TCAIM: variants seen among roughly 807,000 people sequenced by gnomAD.
TCAIM encodes T-cell activation inhibitor, mitochondrial.
In TCAIM, 36 loss-of-function variants were observed where a neutral mutation model predicts 58.6. The ratio of observed to expected loss-of-function variants is 0.61; its 90% CI spans 0.47 to 0.81. The LOEUF (loss-of-function observed/expected upper bound fraction) is 0.81, where lower values mean the gene tolerates loss of function less well. Ranked by LOEUF, TCAIM falls within the 30% of genes least tolerant of loss-of-function variation. The pLI is 0.00. For synonymous variants in TCAIM, 172 were observed against 193.6 expected (o/e 0.89, Z 0.93); for missense variants, 466 against 579.6 (o/e 0.80, Z 2.01).
intron 3 of TCAIM, chr3:44,359,491 G>T (rs1213058749): frequency 6.6e-6 from 1 of 152,258 alleles, no homozygotes; most frequent in Non-Finnish European, 1.5e-5. Context: ...GTATTAATTT[G>T]ACCTTGGGTA....
At chr3:44,373,748 A>G (rs1701520286) in intron 5 of TCAIM, among the ~76,000 whole-genome samples, 1 of 152,238 alleles carries the variant, frequency 6.6e-6, no homozygotes, top group Non-Finnish European at 1.5e-5. Flanking sequence ...AAAAAAAATT[A>G]GGAAATGCTG....
chr3:44,384,895 G>A (rs907651766), intron 5 of TCAIM, among the ~76,000 whole-genome samples: 1 of 152,116 alleles, frequency 6.6e-6, no homozygotes, highest in South Asian at 2.1e-4. Context: ...TGCAAATACA[G>A]GCATTTATTA....
intron 5 of TCAIM, among the ~76,000 whole-genome samples, chr3:44,384,619 G>C (rs1443753588): frequency 6.6e-6 from 1 of 152,208 alleles, no homozygotes; most frequent in Non-Finnish European, 1.5e-5. Context: ...AGTAAATCTA[G>C]CTCTTGGCTT....
At chr3:44,358,563 T>G (rs1380293894) in intron 3 of TCAIM, 1 of 311,464 alleles carries the variant, frequency 3.2e-6, no homozygotes, top group Non-Finnish European at 5.6e-6. Context: ...TTACATTATA[T>G]TAGATATTAT....
intron 5 of TCAIM, among the ~76,000 whole-genome samples, chr3:44,368,739 A>G (rs1323308683): frequency 6.6e-6 from 1 of 152,216 alleles, no homozygotes; most frequent in Non-Finnish European, 1.5e-5. Flanking sequence ...TAAAAAATGA[A>G]GAGCCTGGCA....
intron 10 of TCAIM, among the ~76,000 whole-genome samples, chr3:44,402,895 G>A (rs1003004645): frequency 6.6e-6 from 1 of 152,134 alleles, no homozygotes; most frequent in Non-Finnish European, 1.5e-5. Flanking sequence ...CAGGGTGCCA[G>A]TGGAAGCAGT....
intron 10 of TCAIM, among the ~76,000 whole-genome samples, chr3:44,407,082 G>A (rs759254121): frequency 3.9e-5 from 6 of 152,064 alleles, no homozygotes; most frequent in Non-Finnish European, 5.9e-5. Flanking sequence ...TAAACTTTAG[G>A]TGGGTCCTAA....
rs1002239581 is a variant in TCAIM, at chr3:44,398,405, G to C, written c.885+1571G>C. ...AGATTGCGCCACTGCATTCCAGCCT[G>C]GGCAACACAGCGAGACTGTGTCTCA... On this transcript the variant is annotated intron_variant, in intron 8 of 10. Coordinates refer to ENST00000342649, the MANE Select transcript of TCAIM (RefSeq NM_173826.4). Among the ~76,000 whole-genome samples, 4 of 150,494 alleles carry C rather than the reference G, an allele frequency of 2.7e-5. No homozygotes were observed. In the Admixed American group the frequency reaches 2.7e-4, roughly 10 times the overall value.
intron 8 of TCAIM, among the ~76,000 whole-genome samples, chr3:44,397,633 TGGGTAAATACCTA>T (rs1024362456): frequency 2.6e-5 from 4 of 152,236 alleles, no homozygotes; most frequent in African/African-American, 9.6e-5. Context: ...TCCTTTCTCT[TGGGTAAATACCTA>T]GAATAGAATG....
chr3:44,358,927 G>C (rs769770672), intron 3 of TCAIM: 170 of 985,092 alleles, frequency 1.7e-4, no homozygotes, highest in Non-Finnish European at 1.9e-4. Flanking sequence ...TGATATGTTG[G>C]CTACTCAAAG....
chr3:44,343,417 T>A (rs1249599356), intron 1 of TCAIM, among the ~76,000 whole-genome samples: 1 of 152,176 alleles, frequency 6.6e-6, no homozygotes, highest in African/African-American at 2.4e-5. Flanking sequence ...TAATTTAAAA[T>A]TTTCTAAAAA....
At chr3:44,364,385 T>C (rs1209922193) in intron 4 of TCAIM, among the ~76,000 whole-genome samples, 7 of 152,038 alleles carry the variant, frequency 4.6e-5, no homozygotes, top group African/African-American at 1.4e-4. Context: ...ATTCCAAAAA[T>C]GGAGAAAGAC....
Position 44,400,343 on chromosome 3 carries a change from T to C in TCAIM, c.886-12T>C. 1.2e-6 allele frequency: 2 copies of C among 1,601,300 alleles called. No homozygotes were observed. The highest frequency in any genetic ancestry group is 1.7e-6 in the Non-Finnish European group (2 of 1,170,352). On this transcript the variant is annotated splice_polypyrimidine_tract_variant and intron_variant, in intron 8 of 10. Coordinates refer to ENST00000342649, the MANE Select transcript of TCAIM (RefSeq NM_173826.4). Reference sequence around the variant, plus strand: ...AAAACTAATTATTTCTTTCCCTTTGTTAACACTGTAGCTTTTTGAAAGATT... The same window carrying C: ...AAAACTAATTATTTCTTTCCCTTTGCTAACACTGTAGCTTTTTGAAAGATT...
rs1442890136 is a variant in TCAIM, at chr3:44,400,426, T to G, written c.957T>G (p.Tyr319Ter). The G allele has an allele frequency of 6.2e-7, 1 of 1,613,754 alleles. No homozygotes were observed. Among genetic ancestry groups the G allele is most frequent in the Non-Finnish European group, 8.5e-7 (1 of 1,179,912 alleles). Residue 319 changes from tyrosine to a stop codon, truncating the protein, a stop_gained, in exon 9 of 11, where the codon TAT (tyrosine) becomes TAG (stop). Coordinates refer to ENST00000342649, the MANE Select transcript of TCAIM (RefSeq NM_173826.4). LOFTEE classifies it high-confidence loss of function. ...RLMILEDQIS[Y>*]LLGGIQVVYI... ...TGATTTTAGAAGACCAAATAAGCTA[T>G]CTTTTAGGTGGCATACAAGTTGTTT...
At position 44,346,050 on chromosome 3, in the gene TCAIM, C is replaced by G. The variant is rs370231356; in HGVS notation, c.-45+7216C>G. The stretch of plus-strand genomic sequence containing the variant: ...GAGCATCCATAGGAGCTCAAATGGG[C>G]TGTACCCTGTAGCGTCCCGAGGACA... On this transcript the variant is annotated intron_variant, in intron 1 of 10. Transcript: ENST00000342649. Among the ~76,000 whole-genome samples the G allele has an allele frequency of 6.6e-5, 10 of 152,296 alleles. No homozygotes were observed. In the East Asian group the frequency reaches 1.4e-3, roughly 21 times the overall value.
intron 6 of TCAIM, 106 bp downstream of exon 6, chr3:44,393,083 C>G: frequency 3.4e-6 from 3 of 882,046 alleles, no homozygotes; most frequent in Non-Finnish European, 5.4e-6. Flanking sequence ...GCTCTGATAA[C>G]TGAGTACTCT....
Position 44,367,674 on chromosome 3 carries a change from C to T in TCAIM, c.538C>T (p.Leu180Phe), listed in dbSNP as rs746492537. 4 of 1,613,570 alleles carry T rather than the reference C, an allele frequency of 2.5e-6. No homozygotes were observed. Among genetic ancestry groups the T allele is most frequent in the Non-Finnish European group, 2.5e-6 (3 of 1,179,602 alleles). ...TGGATTCAAGGACCCTGATGAAGAC[C>T]TTGAACAAGTCTCGAGAGTGGAAAC... ...FTGFKDPDED[L>F]EQVSRVETTL... Residue 180 changes from leucine (L) to phenylalanine (F), a missense_variant, in exon 5 of 11, where the codon CTT (leucine) becomes TTT (phenylalanine). Transcript: ENST00000342649.
intron 9 of TCAIM, chr3:44,400,900 T>A: frequency 2.1e-6 from 1 of 482,236 alleles, no homozygotes; most frequent in East Asian, 3.9e-5. Context: ...TATACACTGT[T>A]TGCCGAGCAC....
At chr3:44,364,543 C>G (rs1282755107) in intron 4 of TCAIM, among the ~76,000 whole-genome samples, 1 of 152,162 alleles carries the variant, frequency 6.6e-6, no homozygotes, top group Non-Finnish European at 1.5e-5. Context: ...GAGTTCCAGA[C>G]CAGCCTGGGC....
Sources: gnomAD v4.1 joint callset for allele counts (sites outside exome capture counted in the v4.1 genomes callset) on GRCh38, gnomAD v4.1.1 for gene constraint, MANE v1.5 for transcripts, NCBI Gene and HGNC (gene_info 2026-07-23, HGNC 2026-07-21) for gene names.